The following USP53 variants were observed in gnomAD, a reference collection of about 807,000 sequenced individuals.
USP53 encodes the protein ubiquitin specific peptidase 53, also known as ubiquitin carboxyl-terminal hydrolase 53.
A neutral mutation model predicts 94.9 loss-of-function variants in USP53; 71 were observed. The observed-to-expected ratio is 0.75, with a 90% CI of 0.62 to 0.91. The LOEUF (loss-of-function observed/expected upper bound fraction) is 0.91. Among genes scored for constraint, USP53 ranks in the 40% least tolerant of loss-of-function variants. The pLI is 0.00. For synonymous variants in USP53, 375 were observed against 422.7 expected (o/e 0.89, Z 1.39); for missense variants, 1,173 against 1,281.0 (o/e 0.92, Z 1.29).
chr4:119,268,381 A>C lies in USP53; in HGVS notation c.1249A>C (p.Asn417His), dbSNP rs752128974. ...KFPTDNISSS[N>H]RSHSHTGVGK... ...TCCAACTGATAATATTTCATCATCT[A>C]ATCGGAGCCACAGTCACACAGGTGT... Residue 417 changes from asparagine to histidine, a missense_variant, in exon 14 of 19, where the codon AAT becomes CAT. By Grantham distance (68) the Asn-to-His change is moderately conservative (BLOSUM62 1). Transcript: ENST00000692078. 1 of 1,613,972 alleles carries C rather than the reference A, an allele frequency of 6.2e-7. No homozygotes were observed. Among genetic ancestry groups the C allele is most frequent in the South Asian group, 1.1e-5 (1 of 91,078 alleles).
chr4:119,271,487 G>A lies in USP53; in HGVS notation c.1627G>A (p.Gly543Arg). The A allele has an allele frequency of 1.9e-6, 3 of 1,613,402 alleles. No individual in the cohort carries two copies. The South Asian group carries it at 3.3e-5, about 18-fold the overall frequency. ...SSSKSQILAP[G>R]EKITGKVKSD... ...AAGTAAATCCCAGATTCTTGCTCCA[G>A]GAGAGAAAATAACTGGCAAAGTTAA... The change falls in exon 16 of 19, where the codon GGA (glycine) becomes AGA (arginine). Residue 543 changes from glycine to arginine, a missense_variant. Physicochemically the swap from Gly to Arg is moderately radical, Grantham distance 125. Transcript: ENST00000692078.
At chr4:119,288,856 T>G (rs966031116) in intron 17 of USP53, among the ~76,000 whole-genome samples, 1 of 150,552 alleles carries the variant, frequency 6.6e-6, no homozygotes, top group African/African-American at 2.5e-5. Flanking sequence ...GACAATTGCT[T>G]GAGCCTGGGA....
intron 17 of USP53, among the ~76,000 whole-genome samples, chr4:119,279,264 T>A (rs200860688): frequency 0.18 from 18,981 of 106,440 alleles, 1,826 homozygotes; most frequent in South Asian, 0.25. Flanking sequence ...GATGGTGATG[T>A]ACAGATGGGT....
At chr4:119,266,238 T>C in intron 12 of USP53, 2 of 455,408 alleles carry the variant, frequency 4.4e-6, no homozygotes, top group South Asian at 1.6e-5. Flanking sequence ...GTACAACAAT[T>C]TATCCGTTTA....
intron 17 of USP53, among the ~76,000 whole-genome samples, chr4:119,285,050 G>T (rs1753926709): frequency 6.6e-6 from 1 of 151,872 alleles, no homozygotes; most frequent in Admixed American, 6.6e-5. Context: ...TATTTATATT[G>T]CAGAAGATAA....
intron 3 of USP53, chr4:119,221,424 A>G: frequency 7.4e-6 from 1 of 134,398 alleles, no homozygotes; most frequent in African/African-American, 2.8e-5. Context: ...ACAGAGTGAG[A>G]CCCCAGCTCA....
chr4:119,233,006 A>C (rs1746265004), intron 3 of USP53, among the ~76,000 whole-genome samples: 1 of 151,998 alleles, frequency 6.6e-6, no homozygotes, highest in African/African-American at 2.4e-5. Flanking sequence ...AGCCTTTTTA[A>C]GCTTTTCATT....
At chr4:119,226,239 T>G (rs1409724435) in intron 3 of USP53, among the ~76,000 whole-genome samples, 1 of 152,228 alleles carries the variant, frequency 6.6e-6, no homozygotes, top group Non-Finnish European at 1.5e-5. Context: ...CTGAATGATT[T>G]CATCTCAGAT....
rs1466246456 is a variant in USP53, at chr4:119,256,350, G to A, written c.477G>A (p.Leu159=). ...CTCACCAGAAGTTTGCTATGACTCTGTATGAACAGGTGAGATGGCTTGATT... is the reference window on the plus strand; with the variant it reads ...CTCACCAGAAGTTTGCTATGACTCTATATGAACAGGTGAGATGGCTTGATT... ...CITHQKFAMT[L]YEQCVCRSCG... The change falls in exon 8 of 19, where the codon CTG becomes CTA. Residue 159 remains leucine, a synonymous_variant. Coordinates refer to ENST00000692078, the MANE Select transcript of USP53 (RefSeq NM_001371395.1). 6 of 1,613,652 alleles carry A rather than the reference G, an allele frequency of 3.7e-6. No homozygotes were observed. Among genetic ancestry groups the A allele is most frequent in the Non-Finnish European group, 5.1e-6 (6 of 1,179,800 alleles).
intron 17 of USP53, 65 bp downstream of exon 17, chr4:119,273,773 T>C: frequency 7.4e-7 from 1 of 1,356,530 alleles, no homozygotes; most frequent in South Asian, 1.3e-5. Context: ...TATTGTTTGC[T>C]ATTATGTATC....
In USP53 at chr4:119,256,464, A is replaced by T; in HGVS notation, c.510A>T (p.Ala170=). 1 of 1,614,156 alleles carries T rather than the reference A, an allele frequency of 6.2e-7. No individual in the cohort carries two copies. Among genetic ancestry groups the T allele is most frequent in the Non-Finnish European group, 8.5e-7 (1 of 1,179,996 alleles). Residue 170 remains alanine, a synonymous_variant, in exon 9 of 19, where the codon GCA becomes GCT. Coordinates refer to ENST00000692078, the MANE Select transcript of USP53 (RefSeq NM_001371395.1). ...YEQCVCRSCG[A]SSDPLPFTEF... ...AGTGTGTGTGTCGTAGCTGTGGAGC[A>T]TCGTCAGATCCTCTACCTTTTACAG...
At chr4:119,276,357 C>G (rs1195276223) in intron 17 of USP53, among the ~76,000 whole-genome samples, 40 of 149,970 alleles carry the variant, frequency 2.7e-4, no homozygotes, top group African/African-American at 8.8e-4. Context: ...TTGAGATAAT[C>G]ATGTGGTTTT....
chr4:119,281,721 A>C (rs993048513), intron 17 of USP53, among the ~76,000 whole-genome samples: 2 of 152,328 alleles, frequency 1.3e-5, no homozygotes, highest in Non-Finnish European at 1.5e-5. Context: ...TTTGATGGTC[A>C]GAAGTGCATT....
chr4:119,270,749 T>C (rs1169780314), intron 15 of USP53, among the ~76,000 whole-genome samples: 4 of 152,208 alleles, frequency 2.6e-5, no homozygotes, highest in Non-Finnish European at 5.9e-5. Flanking sequence ...AGATTTTTGC[T>C]TCAGCAACAT....
chr4:119,227,300 A>ACACACACAC (rs1442892298), intron 3 of USP53, among the ~76,000 whole-genome samples: 38 of 43,920 alleles, frequency 8.7e-4, no homozygotes, highest in African/African-American at 2.3e-3. Flanking sequence ...CACACACACA[A>ACACACACAC]ACTTGAAATG....
chr4:119,236,802 G>A (rs1746827071), intron 4 of USP53, among the ~76,000 whole-genome samples: 1 of 152,148 alleles, frequency 6.6e-6, no homozygotes, highest in Non-Finnish European at 1.5e-5. Flanking sequence ...TCATTCATAA[G>A]TGTTGGAATC....
At chr4:119,253,301 A>G (rs1327133565) in intron 7 of USP53, among the ~76,000 whole-genome samples, 2 of 152,016 alleles carry the variant, frequency 1.3e-5, no homozygotes, top group African/African-American at 4.8e-5. Context: ...TGATCTGCCT[A>G]ATATTGACAG....
At chr4:119,268,569 C>T in intron 14 of USP53, 149 bp downstream of exon 14, 1 of 802,680 alleles carries the variant, frequency 1.2e-6, no homozygotes, top group Non-Finnish European at 1.9e-6. Flanking sequence ...ATGCATTTCT[C>T]TGAGAGCTGT....
At chr4:119,271,125 A>C in intron 15 of USP53, 171 bp from the exon 16 acceptor site, 3 of 774,090 alleles carry the variant, frequency 3.9e-6, no homozygotes, top group Non-Finnish European at 4.7e-6. Context: ...CATTAAGCAT[A>C]CACAAGGACT....
Sources: gnomAD v4.1 joint callset for allele counts (sites outside exome capture counted in the v4.1 genomes callset) on GRCh38, gnomAD v4.1.1 for gene constraint, MANE v1.5 for transcripts, NCBI Gene and HGNC (gene_info 2026-07-23, HGNC 2026-07-21) for gene names.